Variants in DIP2C observed in about 807,000 individuals in gnomAD.
The protein encoded by DIP2C is disco-interacting protein 2 homolog C.
A neutral mutation model predicts 192.4 loss-of-function variants in DIP2C; 33 were observed. The observed-to-expected ratio is 0.17, with a 90% CI of 0.13 to 0.23. The LOEUF is 0.23. DIP2C is among the 10% of genes least tolerant of loss of function. The probability of loss-of-function intolerance (pLI) is 1.00; values close to 1 mark genes in which losing one functional copy is unlikely to be tolerated. For synonymous variants in DIP2C, 979 were observed against 864.1 expected (o/e 1.13, Z -2.33); for missense variants, 1,537 against 2,110.1 (o/e 0.73, Z 5.32).
chr10:422,696 C>T (rs1004701029), intron 5 of DIP2C, 128 bp downstream of exon 5: 99 of 1,166,910 alleles, frequency 8.5e-5, no homozygotes, highest in Admixed American at 1.7e-4. Flanking sequence ...GCCAAAGCAC[C>T]CCAGGGGCCA....
In DIP2C at chr10:366,260, C is replaced by G; in HGVS notation, c.2268+15G>C. The G allele has an allele frequency of 6.2e-7, 1 of 1,611,316 alleles. No individual in the cohort carries two copies. Among genetic ancestry groups the G allele is most frequent in the Non-Finnish European group, 8.5e-7 (1 of 1,178,778 alleles). ...GCCACAGATGGTGCCCATGGTAAGA[C>G]TCTCCTCCACCTACCTCAAAGGTGT... On this transcript the variant is annotated intron_variant, in intron 19 of 36. Coordinates refer to ENST00000280886, the MANE Select transcript of DIP2C (RefSeq NM_014974.3).
At chr10:469,030 T>G (rs1315619499) in intron 3 of DIP2C, among the ~76,000 whole-genome samples, 1 of 151,720 alleles carries the variant, frequency 6.6e-6, no homozygotes, top group Non-Finnish European at 1.5e-5. Context: ...GACACCTTGG[T>G]GTCACCCTGG....
Position 419,509 on chromosome 10 carries a change from G to A in DIP2C, c.605-310C>T, listed in dbSNP as rs116375811. Among the ~76,000 whole-genome samples, 597 of 152,346 alleles carry A rather than the reference G, an allele frequency of 3.9e-3. 2 individuals are homozygous for A. Among genetic ancestry groups the A allele is most frequent in the Middle Eastern group, 0.01 (3 of 294 alleles). ...GCAATGGCAGGGCGTCAGGAACCCT[G>A]TGTGTGTTCACGGAGGGGTCCTGTT... On this transcript the variant is annotated intron_variant, in intron 5 of 36. Transcript: ENST00000280886.
At chr10:670,883 G>A (rs560426091) in intron 1 of DIP2C, among the ~76,000 whole-genome samples, 36 of 152,292 alleles carry the variant, frequency 2.4e-4, no homozygotes, top group Non-Finnish European at 5.0e-4. Context: ...AGGTGGAAAA[G>A]TATATCATTC....
At chr10:385,811 G>C (rs907204395) in intron 14 of DIP2C, among the ~76,000 whole-genome samples, 1 of 152,134 alleles carries the variant, frequency 6.6e-6, no homozygotes, top group Non-Finnish European at 1.5e-5. Flanking sequence ...GCAGACGAGA[G>C]GGCAGAGACC....
At chr10:487,706 T>G (rs1844128731) in intron 1 of DIP2C, among the ~76,000 whole-genome samples, 1 of 149,538 alleles carries the variant, frequency 6.7e-6, no homozygotes, top group Non-Finnish European at 1.5e-5. Flanking sequence ...GCCTCCCGAG[T>G]AGCTGAGACT....
At position 384,165 on chromosome 10, in the gene DIP2C, A is replaced by G. The variant is rs72772859; in HGVS notation, c.1757-19T>C. The G allele has an allele frequency of 0.019, 30,231 of 1,610,652 alleles. 342 individuals are homozygous for G. The highest frequency in any genetic ancestry group is 0.022 in the Non-Finnish European group (26,421 of 1,179,214). On this transcript the variant is annotated intron_variant, in intron 15 of 36. Coordinates refer to ENST00000280886, the MANE Select transcript of DIP2C (RefSeq NM_014974.3). ...ACTTTTGCTAAAAAGAAAAATAGAA[A>G]TAAGTTAACATGTGCCACCGTCAGA...
chr10:527,676 ACTT>A (rs1277418844), intron 1 of DIP2C, among the ~76,000 whole-genome samples: 2 of 152,244 alleles, frequency 1.3e-5, no homozygotes, highest in Non-Finnish European at 2.9e-5. Context: ...AGTTTGTAGG[ACTT>A]CTAAAACTTG....
intron 1 of DIP2C, among the ~76,000 whole-genome samples, chr10:541,606 A>G (rs1204670580): frequency 2.1e-5 from 1 of 48,248 alleles, no homozygotes; most frequent in African/African-American, 8.4e-5. Context: ...GACCCTCCAC[A>G]TGACCACACC....
chr10:574,536 G>A (rs1049674522), intron 1 of DIP2C, among the ~76,000 whole-genome samples: 2 of 148,112 alleles, frequency 1.4e-5, no homozygotes, highest in African/African-American at 2.6e-5. Context: ...ATTAGTGATC[G>A]TGGTGGGGCA....
At chr10:605,303 G>C (rs1179901846) in intron 1 of DIP2C, among the ~76,000 whole-genome samples, 1 of 152,180 alleles carries the variant, frequency 6.6e-6, no homozygotes, top group Non-Finnish European at 1.5e-5. Context: ...GGACACGTTA[G>C]GAAATCGTGA....
chr10:412,578 G>A (rs1056434158), intron 8 of DIP2C, among the ~76,000 whole-genome samples: 11 of 152,120 alleles, frequency 7.2e-5, no homozygotes, highest in African/African-American at 2.7e-4. Flanking sequence ...AAAGCAAAGG[G>A]GCTACGAAAC....
intron 36 of DIP2C, among the ~76,000 whole-genome samples, 189 bp downstream of exon 36, chr10:281,011 A>G (rs903040167): frequency 3.3e-5 from 5 of 152,346 alleles, no homozygotes; most frequent in African/African-American, 1.2e-4. Flanking sequence ...TATATGGTAC[A>G]TTAACTCTAC....
At position 532,760 on chromosome 10, in the gene DIP2C, A is replaced by AGAGAGTATGGGTGTGT. The variant is rs1564825026; in HGVS notation, c.86-46246_86-46231dup. Among the ~76,000 whole-genome samples, 16 of 91,334 alleles carry AGAGAGTATGGGTGTGT rather than the reference A, an allele frequency of 1.8e-4. 1 individual carries two copies. Among genetic ancestry groups the AGAGAGTATGGGTGTGT allele is most frequent in the Admixed American group, 7.7e-4 (6 of 7,838 alleles). The allele number at this position is 91,334 out of a possible 152,430, so 59.9% of individuals were successfully genotyped here. Reference sequence around the variant, plus strand: ...GTGTGAGAGAGAGTATGGGTGTGTGAGAGAGTATGGGTGTGTGAGAGAGTA... The same window carrying AGAGAGTATGGGTGTGT: ...GTGTGAGAGAGAGTATGGGTGTGTGAGAGAGTATGGGTGTGTGAGAGTATGGGTGTGTGAGAGAGTA... On this transcript the variant is annotated intron_variant, in intron 1 of 36. Coordinates refer to ENST00000280886, the MANE Select transcript of DIP2C (RefSeq NM_014974.3).
chr10:409,046 C>T (rs769866162), intron 8 of DIP2C, 29 bp from the exon 9 acceptor site: 11 of 1,607,096 alleles, frequency 6.8e-6, no homozygotes, highest in East Asian at 2.2e-5. Flanking sequence ...GACAAATGTG[C>T]GTATTAAACC....
intron 28 of DIP2C, 59 bp from the exon 29 acceptor site, chr10:341,388 C>A: frequency 6.2e-7 from 1 of 1,607,126 alleles, no homozygotes; most frequent in Non-Finnish European, 8.5e-7. Context: ...ACACCCGGGA[C>A]AATACGGGGC....
At chr10:566,238 T>A (rs575090804) in intron 1 of DIP2C, among the ~76,000 whole-genome samples, 5 of 152,158 alleles carry the variant, frequency 3.3e-5, no homozygotes, top group African/African-American at 1.2e-4. Context: ...AGAAACAATT[T>A]TTTGCCCCTT....
chr10:405,854 G>T (rs1196885395), intron 9 of DIP2C, among the ~76,000 whole-genome samples: 1 of 152,152 alleles, frequency 6.6e-6, no homozygotes, highest in Non-Finnish European at 1.5e-5. Flanking sequence ...CTGCTGTCCA[G>T]GCGAAAGGCT....
In DIP2C at chr10:515,078, T is replaced by A. The variant is rs1588360632; in HGVS notation, c.86-28548A>T. 2.0e-5 allele frequency among the ~76,000 whole-genome samples: 3 copies of A among 152,330 alleles called. No homozygotes were observed. In the East Asian group the frequency reaches 5.8e-4, roughly 29 times the overall value. On this transcript the variant is annotated intron_variant, in intron 1 of 36. Coordinates refer to ENST00000280886, the MANE Select transcript of DIP2C (RefSeq NM_014974.3). ...TGTTCCATAATTTTAACACTTAGTG[T>A]TATCACTATTAAGAATTATAAACGT...
Sources: gnomAD v4.1 joint callset for allele counts (sites outside exome capture counted in the v4.1 genomes callset) on GRCh38, gnomAD v4.1.1 for gene constraint, MANE v1.5 for transcripts, NCBI Gene and HGNC (gene_info 2026-07-23, HGNC 2026-07-21) for gene names.